The following EGFR variants were observed in gnomAD, a reference collection of about 807,000 sequenced individuals.
EGFR encodes the protein epidermal growth factor receptor.
In EGFR, 58 loss-of-function variants were observed where a neutral mutation model predicts 143.0. The ratio of observed to expected loss-of-function variants is 0.41; its 90% CI spans 0.33 to 0.50. EGFR has a LOEUF of 0.50. Among genes scored for constraint, EGFR ranks in the 20% least tolerant of loss-of-function variants. The probability of loss-of-function intolerance (pLI) is 0.39; values close to 1 mark genes in which losing one functional copy is unlikely to be tolerated. For synonymous variants in EGFR, 613 were observed against 594.4 expected (o/e 1.03, Z -0.45); for missense variants, 1,307 against 1,579.0 (o/e 0.83, Z 2.92).
chr7:55,155,880 G>A lies in EGFR; in HGVS notation c.940G>A (p.Asp314Asn), dbSNP rs552062864. ...CTCGTGCGTCCGAGCCTGTGGGGCC[G>A]ACAGCTATGAGATGGAGGAAGACGG... is the stretch of plus-strand genomic sequence containing the variant. ...HGSCVRACGA[D>N]SYEMEEDGVR... Residue 314 changes from aspartate to asparagine, a missense_variant, in exon 8 of 28, where the codon GAC (aspartate) becomes AAC (asparagine). Asp to Asn is a conservative substitution (Grantham distance 23). Transcript: ENST00000275493. 4 of 1,614,024 alleles carry A rather than the reference G, an allele frequency of 2.5e-6. No individual in the cohort carries two copies. The highest frequency in any genetic ancestry group is 2.7e-5 in the African/African-American group (2 of 75,028).
At chr7:55,169,476 TA>T (rs1234461640) in intron 15 of EGFR, among the ~76,000 whole-genome samples, 2 of 152,112 alleles carry the variant, frequency 1.3e-5, no homozygotes, top group African/African-American at 4.8e-5. Flanking sequence ...TTTATCCTAA[TA>T]AACCAAATAA....
intron 1 of EGFR, among the ~76,000 whole-genome samples, chr7:55,043,148 T>C (rs1352096586): frequency 6.6e-6 from 1 of 152,140 alleles, no homozygotes; most frequent in Non-Finnish European, 1.5e-5. Context: ...AGACTCAATG[T>C]TAGTATCTGA....
intron 1 of EGFR, among the ~76,000 whole-genome samples, chr7:55,114,606 AC>A (rs1221569901): frequency 2.0e-5 from 3 of 152,170 alleles, no homozygotes; most frequent in African/African-American, 4.8e-5. Context: ...GACTTTTAGT[AC>A]CTTTTTAAAA....
chr7:55,184,343 C>T (rs796567763), intron 20 of EGFR, among the ~76,000 whole-genome samples: 14 of 152,316 alleles, frequency 9.2e-5, no homozygotes, highest in African/African-American at 2.6e-4. Flanking sequence ...CATTCCCTGG[C>T]GCAGCATGAC....
intron 22 of EGFR, among the ~76,000 whole-genome samples, chr7:55,194,326 A>C (rs1291478246): frequency 3.3e-5 from 5 of 150,542 alleles, no homozygotes; most frequent in Non-Finnish European, 7.4e-5. Context: ...TCCCGGGTTC[A>C]AGTGATTCTC....
chr7:55,115,075 G>T (rs529067722), intron 1 of EGFR, among the ~76,000 whole-genome samples: 1 of 151,832 alleles, frequency 6.6e-6, no homozygotes, highest in East Asian at 1.9e-4. Flanking sequence ...TAGAGACGGG[G>T]TTTCACCATG....
At chr7:55,071,352 T>C (rs551386076) in intron 1 of EGFR, among the ~76,000 whole-genome samples, 1 of 152,286 alleles carries the variant, frequency 6.6e-6, no homozygotes, top group South Asian at 2.1e-4. Flanking sequence ...ATTTTGAATA[T>C]GTGTTTCAAT....
At position 55,165,269 on chromosome 7, in the gene EGFR, C is replaced by T. The variant is rs2128946019; in HGVS notation, c.1723-11C>T. Reference sequence around the variant, plus strand: ...AGACATGCATGAACATTTTTCTCCACCTTGGTGCAGGGACCAGACAACTGT... The same window carrying T: ...AGACATGCATGAACATTTTTCTCCATCTTGGTGCAGGGACCAGACAACTGT... On this transcript the variant is annotated splice_polypyrimidine_tract_variant and intron_variant, in intron 14 of 27. Transcript: ENST00000275493. 1.9e-6 allele frequency: 3 copies of T among 1,614,094 alleles called. No individual in the cohort carries two copies. Among genetic ancestry groups the T allele is most frequent in the East Asian group, 2.2e-5 (1 of 44,886 alleles).
intron 3 of EGFR, among the ~76,000 whole-genome samples, chr7:55,146,113 T>C (rs933706423): frequency 6.6e-6 from 1 of 152,108 alleles, no homozygotes; most frequent in African/African-American, 2.4e-5. Flanking sequence ...ATTCTTCTTG[T>C]TTCGTGTCAC....
intron 1 of EGFR, among the ~76,000 whole-genome samples, chr7:55,083,097 C>T (rs1790553587): frequency 6.6e-6 from 1 of 152,250 alleles, no homozygotes; most frequent in South Asian, 2.1e-4. Flanking sequence ...CTCATTTCAA[C>T]TCCATTACAT....
intron 1 of EGFR, among the ~76,000 whole-genome samples, chr7:55,066,583 C>A (rs930705877): frequency 6.6e-6 from 1 of 152,224 alleles, no homozygotes; most frequent in African/African-American, 2.4e-5. Context: ...TTTTCACTGT[C>A]GAGTTTGGTT....
At position 55,173,000 on chromosome 7, in the gene EGFR, T is replaced by G. The variant is rs1300062728; in HGVS notation, c.1937T>G (p.Ile646Ser). The G allele has an allele frequency of 6.2e-7, 1 of 1,614,040 alleles. No homozygotes were observed. Among genetic ancestry groups the G allele is most frequent in the East Asian group, 2.2e-5 (1 of 44,892 alleles). The change falls in exon 17 of 28, where the codon ATC (isoleucine) becomes AGC (serine). Residue 646 changes from isoleucine to serine, a missense_variant. By Grantham distance (142) the Ile-to-Ser change is moderately radical. Transcript: ENST00000275493. Reference protein sequence around the residue: ...CPTNGPKIPSIATGMVGALLL... With the variant: ...CPTNGPKIPSSATGMVGALLL... ...CATTCCAGGCCTAAGATCCCGTCCA[T>G]CGCCACTGGGATGGTGGGGGCCCTC...
rs911679463 is a variant in EGFR, at chr7:55,140,761, A to G, written c.89-1525A>G. 2.6e-5 allele frequency among the ~76,000 whole-genome samples: 4 copies of G among 152,236 alleles called. No homozygotes were observed. In the East Asian group the frequency reaches 7.7e-4, roughly 29 times the overall value. On this transcript the variant is annotated intron_variant, in intron 1 of 27. Coordinates refer to ENST00000275493, the MANE Select transcript of EGFR (RefSeq NM_005228.5). Reference sequence around the variant, plus strand: ...TAGGAGAGAGGGACTCCATCTTGTCAACTGTCATGGTTCCCATGTGAAAGC... The same window carrying G: ...TAGGAGAGAGGGACTCCATCTTGTCGACTGTCATGGTTCCCATGTGAAAGC...
At chr7:55,100,704 C>T (rs1791759390) in intron 1 of EGFR, among the ~76,000 whole-genome samples, 1 of 152,210 alleles carries the variant, frequency 6.6e-6, no homozygotes, top group Non-Finnish European at 1.5e-5. Flanking sequence ...TTGGGGTGGG[C>T]CACTCCTGGG....
chr7:55,113,103 G>C (rs947089986), intron 1 of EGFR, among the ~76,000 whole-genome samples: 1 of 152,204 alleles, frequency 6.6e-6, no homozygotes, highest in Non-Finnish European at 1.5e-5. Context: ...TCTGCCAGGG[G>C]AGCAGCGATT....
At chr7:55,124,385 T>G (rs983090957) in intron 1 of EGFR, among the ~76,000 whole-genome samples, 1 of 152,222 alleles carries the variant, frequency 6.6e-6, no homozygotes, top group Non-Finnish European at 1.5e-5. Context: ...GCTTGGAGAC[T>G]TGCTTAACTC....
At chr7:55,126,559 A>T (rs1231914217) in intron 1 of EGFR, among the ~76,000 whole-genome samples, 1 of 152,166 alleles carries the variant, frequency 6.6e-6, no homozygotes, top group African/African-American at 2.4e-5. Flanking sequence ...CCATGCATTC[A>T]AAGACCATGC....
chr7:55,024,060 CAG>C (rs796225932), intron 1 of EGFR, among the ~76,000 whole-genome samples: 18 of 152,270 alleles, frequency 1.2e-4, no homozygotes, highest in African/African-American at 3.6e-4. Context: ...TTCACTTTTT[CAG>C]AGTCATCTGA....
At chr7:55,157,036 C>G in intron 10 of EGFR, 1 of 1,320,836 alleles carries the variant, frequency 7.6e-7, no homozygotes, top group Non-Finnish European at 1.0e-6. Flanking sequence ...GGGTCATTCA[C>G]TGCGGTGTAA....
Sources: allele counts gnomAD v4.1 joint callset (sites outside exome capture counted in the v4.1 genomes callset), GRCh38; gene constraint gnomAD v4.1.1; transcripts MANE v1.5; gene names NCBI Gene and HGNC (gene_info 2026-07-23, HGNC 2026-07-21).